The following REXO5 variants were observed in gnomAD, a reference collection of about 807,000 sequenced individuals.
The protein encoded by REXO5 is exonuclease NEF-sp.
REXO5 carries 48 observed loss-of-function variants against 88.5 expected under a neutral mutation model. The ratio of observed to expected loss-of-function variants is 0.54; its 90% CI spans 0.43 to 0.69. The LOEUF (loss-of-function observed/expected upper bound fraction) is 0.69, where lower values mean the gene tolerates loss of function less well. Ranked by LOEUF, REXO5 falls within the 30% of genes least tolerant of loss-of-function variation. The pLI is 0.00. For synonymous variants in REXO5, 311 were observed against 336.5 expected, an observed-to-expected ratio of 0.92 and a Z score of 0.83; for missense variants, 749 against 912.2, an observed-to-expected ratio of 0.82 and a Z score of 2.30.
chr16:20,840,224 T>C (rs779867472), intron 14 of REXO5, 107 bp from the exon 15 acceptor site: 1 of 975,634 alleles, frequency 1.0e-6, no homozygotes, highest in Non-Finnish European at 1.4e-6. Context: ...ATTTGGCAAG[T>C]ATTTATATCA....
intron 2 of REXO5, among the ~76,000 whole-genome samples, chr16:20,807,999 C>G (rs1349679344): frequency 1.3e-5 from 2 of 152,128 alleles, no homozygotes; most frequent in African/African-American, 4.8e-5. Flanking sequence ...AACGTTACCC[C>G]CTGAGCTCCA....
intron 10 of REXO5, among the ~76,000 whole-genome samples, chr16:20,828,159 G>C (rs1368365866): frequency 6.6e-6 from 1 of 152,090 alleles, no homozygotes; most frequent in Admixed American, 6.6e-5. Flanking sequence ...CTTAGAGAAG[G>C]GCCTGGCCAG....
Position 20,833,059 on chromosome 16 carries a change from C to G in REXO5, c.1319C>G (p.Thr440Arg). The G allele has an allele frequency of 6.2e-7, 1 of 1,613,554 alleles. No individual in the cohort carries two copies. Among genetic ancestry groups the G allele is most frequent in the Non-Finnish European group, 8.5e-7 (1 of 1,179,504 alleles). ...AAGCTTCTTTTTTTGACCCGGGAGA[C>G]AGATGCTGGTGAACTTCCATCTTCC... Reference protein sequence around the residue: ...GQKLLFLTRETDAGELPSSRN... With the variant: ...GQKLLFLTRERDAGELPSSRN... Residue 440 changes from threonine (T) to arginine (R), a missense_variant, in exon 13 of 20, where the codon ACA (threonine) becomes AGA (arginine). Coordinates refer to ENST00000261377, the MANE Select transcript of REXO5 (RefSeq NM_030941.3).
upstream of REXO5, chr16:20,806,498 CA>C: frequency 6.5e-7 from 1 of 1,546,104 alleles, no homozygotes. Flanking sequence ...CCGGTCCGTT[CA>C]AAAAGCCCGC....
Position 20,816,111 on chromosome 16 carries a change from T to A in REXO5, c.379-5T>A. On this transcript the variant is annotated splice_region_variant and splice_polypyrimidine_tract_variant and intron_variant, in intron 4 of 19. Coordinates refer to ENST00000261377, the MANE Select transcript of REXO5 (RefSeq NM_030941.3). ...TTTTTGTAAAACCTGTTAATATATT[T>A]TCAGAAATTCCGCTTGCCTCCACCA... is the stretch of plus-strand genomic sequence containing the variant. 6.2e-7 allele frequency: 1 copy of A among 1,613,578 alleles called. No individual in the cohort carries two copies. The highest frequency in any genetic ancestry group is 8.5e-7 in the Non-Finnish European group (1 of 1,179,696).
chr16:20,823,161 T>C (rs1202477333), intron 6 of REXO5, among the ~76,000 whole-genome samples: 5 of 152,248 alleles, frequency 3.3e-5, no homozygotes, highest in Admixed American at 3.3e-4. Flanking sequence ...TTTCACATGC[T>C]TATTAGTCAT....
chr16:20,812,916 C>G (rs1244624444), intron 2 of REXO5, among the ~76,000 whole-genome samples: 1 of 152,210 alleles, frequency 6.6e-6, no homozygotes, highest in Admixed American at 6.5e-5. Context: ...AGAATGGACT[C>G]TTTGAGAGCA....
At chr16:20,842,894 G>A (rs540561491) in intron 15 of REXO5, among the ~76,000 whole-genome samples, 11 of 152,294 alleles carry the variant, frequency 7.2e-5, no homozygotes, top group Non-Finnish European at 1.3e-4. Context: ...GTAATTCTAT[G>A]TTTAATTTTT....
intron 5 of REXO5, among the ~76,000 whole-genome samples, chr16:20,817,495 G>A (rs2081098959): frequency 6.6e-6 from 1 of 152,198 alleles, no homozygotes; most frequent in Non-Finnish European, 1.5e-5. Flanking sequence ...GACAAAGCTG[G>A]AAAGGCAGAT....
At position 20,813,261 on chromosome 16, in the gene REXO5, G is replaced by A. The variant is rs1273733721; in HGVS notation, c.210G>A (p.Leu70=). The part of the protein sequence containing the change: ...EVTHDQLCEL[L]KYAVLGKSNV... ...CCCATGACCAGCTGTGTGAATTGCT[G>A]AAGTATGCAGTTCTGGGCAAATCCA... The change falls in exon 3 of 20, where the codon CTG becomes CTA. Residue 70 remains leucine, a synonymous_variant. Coordinates refer to ENST00000261377, the MANE Select transcript of REXO5 (RefSeq NM_030941.3). The A allele has an allele frequency of 6.2e-7, 1 of 1,613,124 alleles. No individual in the cohort carries two copies. Among genetic ancestry groups the A allele is most frequent in the Non-Finnish European group, 8.5e-7 (1 of 1,179,546 alleles).
intron 17 of REXO5, 49 bp downstream of exon 17, chr16:20,844,894 G>T: frequency 1.3e-6 from 2 of 1,570,876 alleles, no homozygotes; most frequent in Non-Finnish European, 1.7e-6. Context: ...ACTGGGGATG[G>T]TGATAACATG....
At position 20,807,079 on chromosome 16, in the gene REXO5, G is replaced by T; in HGVS notation, c.126G>T (p.Gln42His). ...MKAGWDLEES[Q>H]PEAKKARLST... ...CCGGTTGGGATCTCGAGGAGAGTCA[G>T]CCCGAGGCCAAGGTGAGCAACGGGG... The change falls in exon 2 of 20, where the codon CAG becomes CAT. Residue 42 changes from glutamine to histidine, a missense_variant. By Grantham distance (24) the Gln-to-His change is conservative. Transcript: ENST00000261377. 6.2e-7 allele frequency: 1 copy of T among 1,603,770 alleles called. No individual in the cohort carries two copies. The highest frequency in any genetic ancestry group is 8.5e-7 in the Non-Finnish European group (1 of 1,176,118).
At chr16:20,815,889 G>A (rs942781021) in intron 4 of REXO5, among the ~76,000 whole-genome samples, 11 of 152,280 alleles carry the variant, frequency 7.2e-5, no homozygotes, top group African/African-American at 2.2e-4. Context: ...GTATATTTCT[G>A]TAAAGTTTGT....
chr16:20,827,544 C>T, intron 10 of REXO5, 97 bp downstream of exon 10: 1 of 871,598 alleles, frequency 1.1e-6, no homozygotes, highest in Non-Finnish European at 1.8e-6. Flanking sequence ...TTCAGGGTTT[C>T]TGCTCTCTTT....
At chr16:20,824,130 T>A (rs1454918143) in intron 6 of REXO5, among the ~76,000 whole-genome samples, 1 of 152,236 alleles carries the variant, frequency 6.6e-6, no homozygotes, top group Non-Finnish European at 1.5e-5. Context: ...ACTTTGGGTT[T>A]AGCCATGATT....
intron 7 of REXO5, chr16:20,825,521 A>C (rs1297713937): frequency 9.5e-6 from 2 of 210,968 alleles, no homozygotes; most frequent in Non-Finnish European, 1.9e-5. Flanking sequence ...GCTTCATAAA[A>C]ATTACCTATT....
intron 11 of REXO5, 118 bp from the exon 12 acceptor site, chr16:20,832,038 G>A (rs867293436): frequency 1.5e-6 from 1 of 668,158 alleles, no homozygotes. Flanking sequence ...TAAGAGAACA[G>A]AGAACATTAT....
chr16:20,848,776 A>C (rs2081649406), intron 19 of REXO5, among the ~76,000 whole-genome samples: 1 of 152,262 alleles, frequency 6.6e-6, no homozygotes, highest in African/African-American at 2.4e-5. Flanking sequence ...TTTTACAACA[A>C]ACATTGTTAA....
intron 4 of REXO5, 78 bp downstream of exon 4, chr16:20,815,131 C>A: frequency 1.4e-6 from 2 of 1,460,472 alleles, no homozygotes; most frequent in Non-Finnish European, 1.8e-6. Context: ...AGGGACCATG[C>A]TCCTTGGCAA....
Sources: allele counts gnomAD v4.1 joint callset (sites outside exome capture counted in the v4.1 genomes callset), GRCh38; gene constraint gnomAD v4.1.1; transcripts MANE v1.5; gene names NCBI Gene and HGNC (gene_info 2026-07-23, HGNC 2026-07-21).